TTC28: variants seen among roughly 807,000 people sequenced by gnomAD.
TTC28 encodes tetratricopeptide repeat protein 28.
Under a neutral mutation model 198.0 loss-of-function variants are expected in TTC28, and 61 were observed. The observed-to-expected ratio is 0.31, with a 90% CI of 0.25 to 0.38. The LOEUF is 0.38. TTC28 is among the 10% of genes least tolerant of loss of function. TTC28 has a pLI of 1.00. For missense variants in TTC28, 2,678 were observed against 3,164.0 expected, an observed-to-expected ratio of 0.85 and a Z score of 3.69; for synonymous variants, 1,171 against 1,297.8, an observed-to-expected ratio of 0.90 and a Z score of 2.10.
At chr22:28,039,880 A>G (rs554324993) in intron 12 of TTC28, among the ~76,000 whole-genome samples, 1 of 151,918 alleles carries the variant, frequency 6.6e-6, no homozygotes, top group African/African-American at 2.4e-5. Context: ...TCAAATAGAC[A>G]TGATAAAAAA....
intron 6 of TTC28, among the ~76,000 whole-genome samples, chr22:28,146,243 CAAG>C (rs1943466644): frequency 1.3e-5 from 2 of 152,236 alleles, no homozygotes; most frequent in South Asian, 2.1e-4. Context: ...TTCTCTGCTA[CAAG>C]AAGAAGGGAA....
At chr22:28,297,370 T>A (rs546532225) in intron 4 of TTC28, among the ~76,000 whole-genome samples, 1 of 150,164 alleles carries the variant, frequency 6.7e-6, no homozygotes, top group Non-Finnish European at 1.5e-5. Flanking sequence ...CACACCCAGC[T>A]ATTTTTTTTT....
At chr22:28,439,633 T>A (rs1183137231) in intron 2 of TTC28, among the ~76,000 whole-genome samples, 1 of 152,198 alleles carries the variant, frequency 6.6e-6, no homozygotes, top group Non-Finnish European at 1.5e-5. Context: ...TTATAACACC[T>A]ACCACCTCAC....
chr22:28,201,751 C>CAAAAAAAAAAAAAAAAAAAAAAA (rs34790960), intron 5 of TTC28, among the ~76,000 whole-genome samples: 5 of 81,008 alleles, frequency 6.2e-5, no homozygotes, highest in African/African-American at 2.5e-4. Context: ...TTACAGAAAG[C>CAAAAAAAAAAAAAAAAAAAAAAA]AAAAAAAAAA....
rs1215851596 is a variant in TTC28, at chr22:28,107,594, T to C, written c.2251A>G (p.Arg751Gly). Reference protein sequence around the residue: ...LGLAHQVKDRRLEASAYAALG... With the variant: ...LGLAHQVKDRGLEASAYAALG... ...GCTGCATATGCACTGGCTTCTAATC[T>C]TCTGTCCTTTACCTGGTGAGCTAAG... Residue 751 changes from arginine to glycine, a missense_variant, in exon 7 of 23, where the codon AGA (arginine) becomes GGA (glycine). Physicochemically the swap from Arg to Gly is moderately radical, Grantham distance 125. Coordinates refer to ENST00000397906, the MANE Select transcript of TTC28 (RefSeq NM_001145418.2). The C allele has an allele frequency of 9.0e-6, 14 of 1,551,690 alleles. No homozygotes were observed. The highest frequency in any genetic ancestry group is 1.2e-5 in the Non-Finnish European group (14 of 1,147,034).
At chr22:28,276,948 G>A (rs1427399792) in intron 5 of TTC28, among the ~76,000 whole-genome samples, 1 of 151,788 alleles carries the variant, frequency 6.6e-6, no homozygotes, top group Non-Finnish European at 1.5e-5. Context: ...ATCATTTTTA[G>A]CTCCTTGATT....
intron 2 of TTC28, among the ~76,000 whole-genome samples, chr22:28,446,344 G>A (rs1300565033): frequency 6.6e-6 from 1 of 152,194 alleles, no homozygotes; most frequent in Non-Finnish European, 1.5e-5. Context: ...CTTTGGCAAG[G>A]TATGTTGGAA....
chr22:28,649,163 TAC>T (rs1019524025), intron 1 of TTC28, among the ~76,000 whole-genome samples: 8 of 152,074 alleles, frequency 5.3e-5, no homozygotes, highest in African/African-American at 1.9e-4. Flanking sequence ...AAGCTATGGG[TAC>T]ACAAAGACAT....
At chr22:28,095,858 G>A (rs1941955522) in intron 11 of TTC28, among the ~76,000 whole-genome samples, 1 of 152,082 alleles carries the variant, frequency 6.6e-6, no homozygotes, top group Admixed American at 6.5e-5. Flanking sequence ...AATTCGTTAG[G>A]ACTTGCAGTC....
chr22:28,016,499 G>T (rs1938385488), intron 13 of TTC28, among the ~76,000 whole-genome samples: 1 of 152,202 alleles, frequency 6.6e-6, no homozygotes. Context: ...GGAGCACTAG[G>T]TGCCCTCTTC....
chr22:28,158,850 T>C (rs1425379067), intron 6 of TTC28, among the ~76,000 whole-genome samples: 1 of 152,206 alleles, frequency 6.6e-6, no homozygotes, highest in Admixed American at 6.5e-5. Context: ...GATATTGGTC[T>C]GGGCAAAAAT....
Position 27,981,941 on chromosome 22 carries a change from G to C in TTC28, c.*280C>G. Reference sequence around the variant, plus strand: ...TGAAGAATCATATCAAAGATGAGAAGCAGGGAGTTCAAAGGTAAACAAACA... The same window carrying C: ...TGAAGAATCATATCAAAGATGAGAACCAGGGAGTTCAAAGGTAAACAAACA... On this transcript the variant is annotated 3_prime_UTR_variant, in exon 23 of 23. Transcript: ENST00000397906. 1 of 361,810 alleles carries C rather than the reference G, an allele frequency of 2.8e-6. No individual in the cohort carries two copies. Among genetic ancestry groups the C allele is most frequent in the Non-Finnish European group, 4.9e-6 (1 of 203,064 alleles). 22.4% of individuals were successfully genotyped at this position (361,810 alleles called of 1,614,324 possible).
At position 27,980,169 on chromosome 22, in the gene TTC28, C is replaced by A. The variant is rs1299294660; in HGVS notation, c.*2052G>T. ...TTTGCTAAGAGAGGGACAGCCTAAC[C>A]ATCTGCATATGGATTTAGAAACTTG... On this transcript the variant is annotated 3_prime_UTR_variant, in exon 23 of 23. Coordinates refer to ENST00000397906, the MANE Select transcript of TTC28 (RefSeq NM_001145418.2). 6.6e-6 allele frequency: 1 copy of A among 152,208 alleles called. No individual in the cohort carries two copies. The highest frequency in any genetic ancestry group is 1.5e-5 in the Non-Finnish European group (1 of 68,042). The allele number at this position is 152,208 out of a possible 1,614,324, so 9.4% of individuals were successfully genotyped here.
intron 2 of TTC28, among the ~76,000 whole-genome samples, chr22:28,610,423 T>A (rs920717185): frequency 1.3e-5 from 2 of 152,166 alleles, no homozygotes; most frequent in Non-Finnish European, 2.9e-5. Flanking sequence ...TTCTGCAGCT[T>A]CTGCTGGTGA....
At chr22:28,111,438 T>C (rs190131389) in intron 6 of TTC28, among the ~76,000 whole-genome samples, 3 of 152,362 alleles carry the variant, frequency 2.0e-5, no homozygotes, top group Admixed American at 2.0e-4. Flanking sequence ...GTTTCAGTTC[T>C]AAAGACCTGA....
At chr22:28,128,063 C>T (rs772577637) in intron 6 of TTC28, among the ~76,000 whole-genome samples, 8 of 152,088 alleles carry the variant, frequency 5.3e-5, no homozygotes, top group Non-Finnish European at 8.8e-5. Flanking sequence ...TAACTTAGCT[C>T]AGAGTCTGGC....
chr22:28,074,754 C>CA (rs1941113846), intron 12 of TTC28, among the ~76,000 whole-genome samples: 1 of 152,042 alleles, frequency 6.6e-6, no homozygotes, highest in Admixed American at 6.5e-5. Flanking sequence ...TATCCCCCCC[C>CA]ATGTACAATG....
intron 18 of TTC28, 39 bp from the exon 19 acceptor site, chr22:27,992,702 C>T: frequency 6.5e-7 from 1 of 1,536,164 alleles, no homozygotes; most frequent in Non-Finnish European, 8.8e-7. Flanking sequence ...TTCAGAAGGG[C>T]CTCTGCACCC....
chr22:28,001,426 C>G lies in TTC28; in HGVS notation c.4346G>C (p.Arg1449Pro). ...GGAAGGGACAGCAAGGAGGCCGAAG[C>G]GCTCGTAGAGGTACTCATTGGAGGA... ...GSSSNEYLYE[R>P]FGLLAVPSIR... The change falls in exon 15 of 23, where the codon CGC becomes CCC. Residue 1449 changes from arginine (R) to proline (P), a missense_variant. Arg to Pro is a moderately radical substitution (Grantham distance 103). Coordinates refer to ENST00000397906, the MANE Select transcript of TTC28 (RefSeq NM_001145418.2). 1 of 1,551,518 alleles carries G rather than the reference C, an allele frequency of 6.4e-7. No homozygotes were observed. The highest frequency in any genetic ancestry group is 8.7e-7 in the Non-Finnish European group (1 of 1,146,938).
Sources: allele counts gnomAD v4.1 joint callset (sites outside exome capture counted in the v4.1 genomes callset), GRCh38; gene constraint gnomAD v4.1.1; transcripts MANE v1.5; gene names NCBI Gene and HGNC (gene_info 2026-07-23, HGNC 2026-07-21).